Variants in CDH4 observed in about 807,000 individuals in gnomAD.
The protein encoded by CDH4 is cadherin-4.
CDH4 carries 33 observed loss-of-function variants against 86.0 expected under a neutral mutation model. The ratio of observed to expected loss-of-function variants is 0.38; its 90% CI spans 0.29 to 0.51. The LOEUF is 0.51. CDH4 is among the 20% of genes least tolerant of loss of function. CDH4 has a pLI of 0.86. For synonymous variants in CDH4, 555 were observed against 549.4 expected, an observed-to-expected ratio of 1.01 and a Z score of -0.14; for missense variants, 1,114 against 1,307.4, an observed-to-expected ratio of 0.85 and a Z score of 2.28.
At chr20:61,741,491 C>T (rs2145940009) in intron 2 of CDH4, among the ~76,000 whole-genome samples, 2 of 139,786 alleles carry the variant, frequency 1.4e-5, no homozygotes, top group East Asian at 4.1e-4. Context: ...AAGCTGTGTG[C>T]CTGTACTTTT....
At chr20:61,838,630 A>C (rs1254536967) in intron 4 of CDH4, among the ~76,000 whole-genome samples, 1 of 152,046 alleles carries the variant, frequency 6.6e-6, no homozygotes, top group Non-Finnish European at 1.5e-5. Context: ...AACATGGTGA[A>C]ACCCCGTCTC....
chr20:61,402,364 AG>A (rs2085054187), intron 2 of CDH4, among the ~76,000 whole-genome samples: 1 of 151,674 alleles, frequency 6.6e-6, no homozygotes, highest in African/African-American at 2.4e-5. Flanking sequence ...TGACAAGAAA[AG>A]TCTGTACATG....
At chr20:61,936,563 C>T (rs1349986092) in intron 15 of CDH4, among the ~76,000 whole-genome samples, 174 bp from the exon 16 acceptor site, 1 of 149,828 alleles carries the variant, frequency 6.7e-6, no homozygotes, top group Non-Finnish European at 1.5e-5. Context: ...TCACAAATGC[C>T]CTTTTCTACT....
intron 2 of CDH4, among the ~76,000 whole-genome samples, chr20:61,598,106 G>A (rs780688228): frequency 7.2e-5 from 11 of 152,114 alleles, no homozygotes; most frequent in Non-Finnish European, 8.8e-5. Flanking sequence ...GGCCAGACAC[G>A]CCGGGCACTG....
rs1031751963 is a variant in CDH4, at chr20:61,902,509, C to T, written c.1188+7462C>T. 6.6e-6 allele frequency among the ~76,000 whole-genome samples: 1 copy of T among 152,168 alleles called. No homozygotes were observed. Among genetic ancestry groups the T allele is most frequent in the Non-Finnish European group, 1.5e-5 (1 of 68,022 alleles). ...AGGGATTTGCAGGCAAATGAGCGGC[C>T]GTTGACACAGGGACAGGCACACCTT... On this transcript the variant is annotated intron_variant, in intron 8 of 15. Transcript: ENST00000614565. The surrounding 1 kb of genome is among the most constrained non-coding windows in gnomAD (Gnocchi z 4.6).
Position 61,820,099 on chromosome 20 carries a change from G to T in CDH4, c.577-24569G>T, listed in dbSNP as rs565256508. ...TCAGACTCGGGGGGTCCTGCCTCCCGCTGTGGCTTCCTATCCTCTCCACTT... is the reference window on the plus strand; with the variant it reads ...TCAGACTCGGGGGGTCCTGCCTCCCTCTGTGGCTTCCTATCCTCTCCACTT... On this transcript the variant is annotated intron_variant, in intron 4 of 15. Coordinates refer to ENST00000614565, the MANE Select transcript of CDH4 (RefSeq NM_001794.5). 2.4e-3 allele frequency among the ~76,000 whole-genome samples: 371 copies of T among 152,282 alleles called. 1 individual carries two copies. The highest frequency in any genetic ancestry group is 4.6e-3 in the Admixed American group (71 of 15,310).
In CDH4 at chr20:61,565,198, G is replaced by GGTGGTGGTA. The variant is rs1568688335; in HGVS notation, c.170-178360_170-178359insGGTAGTGGT. Among the ~76,000 whole-genome samples, 16 of 63,388 alleles carry GGTGGTGGTA rather than the reference G, an allele frequency of 2.5e-4. 2 individuals are homozygous for GGTGGTGGTA. The highest frequency in any genetic ancestry group is 3.3e-4 in the African/African-American group (5 of 14,942). The allele number at this position is 63,388 out of a possible 152,430, so 41.6% of individuals were successfully genotyped here. A position where few individuals can be genotyped will look rare whatever the true frequency, so the allele number is the denominator to read the frequency against. On this transcript the variant is annotated intron_variant, in intron 2 of 15. Transcript: ENST00000614565. The stretch of plus-strand genomic sequence containing the variant: ...TGGTGGTGGTGGTGGTCCTCTTGGT[G>GGTGGTGGTA]GTGGTCGCGGTGCTCTCGGTGGTAG...
chr20:61,720,337 A>T (rs1031672256), intron 2 of CDH4, among the ~76,000 whole-genome samples: 2 of 152,128 alleles, frequency 1.3e-5, no homozygotes, highest in Non-Finnish European at 2.9e-5. Context: ...ACCAGGAAGC[A>T]GGGCAGCAAC....
At chr20:61,787,559 C>G (rs1026020521) in intron 4 of CDH4, among the ~76,000 whole-genome samples, 1 of 152,160 alleles carries the variant, frequency 6.6e-6, no homozygotes, top group African/African-American at 2.4e-5. Flanking sequence ...TTGGGTGGGG[C>G]CACAGCGAAA....
At chr20:61,895,700 A>G (rs1456854907) in intron 8 of CDH4, among the ~76,000 whole-genome samples, 4 of 152,172 alleles carry the variant, frequency 2.6e-5, no homozygotes, top group Non-Finnish European at 5.9e-5. Context: ...AAATCTGCAG[A>G]GGCCACTGCG....
In CDH4 at chr20:61,894,996, C is replaced by T. The variant is rs868646026; in HGVS notation, c.1137C>T (p.Ile379=). 6.2e-7 allele frequency: 1 copy of T among 1,613,956 alleles called. No homozygotes were observed. Among genetic ancestry groups the T allele is most frequent in the Non-Finnish European group, 8.5e-7 (1 of 1,180,020 alleles). Residue 379 remains isoleucine, a synonymous_variant, in exon 8 of 16, where the codon ATC becomes ATT. Transcript: ENST00000614565. ...NYGLSNTATA[I]ITVTDVNDNP... ...GCCTCTCAAACACAGCCACAGCCAT[C>T]ATCACGGTGACAGATGTGAATGACA... is the stretch of plus-strand genomic sequence containing the variant.
At chr20:61,768,389 T>G (rs900131204) in intron 3 of CDH4, among the ~76,000 whole-genome samples, 1 of 152,228 alleles carries the variant, frequency 6.6e-6, no homozygotes, top group Non-Finnish European at 1.5e-5. Context: ...TGCATACATG[T>G]GTGCATAGCG....
intron 2 of CDH4, among the ~76,000 whole-genome samples, chr20:61,281,453 G>A (rs182613329): frequency 3.2e-4 from 48 of 152,322 alleles, no homozygotes; most frequent in African/African-American, 9.9e-4. Flanking sequence ...ACCTGCCGGC[G>A]CCTTGACCTT....
At chr20:61,339,053 C>T (rs754886007) in intron 2 of CDH4, among the ~76,000 whole-genome samples, 21 of 151,860 alleles carry the variant, frequency 1.4e-4, no homozygotes, top group East Asian at 7.7e-4. Flanking sequence ...CACATACACA[C>T]GCACACACCC....
intron 2 of CDH4, among the ~76,000 whole-genome samples, chr20:61,505,818 G>C: frequency 6.6e-6 from 1 of 151,634 alleles, no homozygotes; most frequent in East Asian, 1.9e-4. Context: ...CGCTGCTTAT[G>C]TTAAGATGAA....
At chr20:61,610,644 C>A (rs770234612) in intron 2 of CDH4, among the ~76,000 whole-genome samples, 2 of 152,150 alleles carry the variant, frequency 1.3e-5, no homozygotes, top group Non-Finnish European at 2.9e-5. Flanking sequence ...CCTTTCCCTG[C>A]CTCCTTGCCG....
chr20:61,433,754 TG>T (rs1445103674), intron 2 of CDH4, among the ~76,000 whole-genome samples: 1 of 152,050 alleles, frequency 6.6e-6, no homozygotes, highest in Non-Finnish European at 1.5e-5. Context: ...GACCACAGGG[TG>T]GGTAGGAGGT....
At chr20:61,291,695 C>A (rs200787770) in intron 2 of CDH4, among the ~76,000 whole-genome samples, 1 of 71,796 alleles carries the variant, frequency 1.4e-5, no homozygotes, top group Non-Finnish European at 3.2e-5. Context: ...TCCAGTCTGA[C>A]CCTATCCCAG....
intron 2 of CDH4, among the ~76,000 whole-genome samples, chr20:61,275,959 G>T (rs1308078987): frequency 2.0e-5 from 3 of 152,154 alleles, no homozygotes; most frequent in African/African-American, 7.2e-5. Context: ...AGTGTGGCTG[G>T]ATTTTGATAA....
Sources: gnomAD v4.1 joint callset for allele counts (sites outside exome capture counted in the v4.1 genomes callset) on GRCh38, gnomAD v4.1.1 for gene constraint, Gnocchi (gnomAD v3.1) non-coding constraint, MANE v1.5 for transcripts, NCBI Gene and HGNC (gene_info 2026-07-23, HGNC 2026-07-21) for gene names.